CDK14: variants seen among roughly 807,000 people sequenced by gnomAD.
CDK14 encodes the protein cyclin-dependent kinase 14.
CDK14 carries 34 observed loss-of-function variants against 60.7 expected under a neutral mutation model. The observed-to-expected ratio is 0.56, with a 90% CI of 0.43 to 0.75. CDK14 has a LOEUF of 0.75. Among genes scored for constraint, CDK14 ranks in the 30% least tolerant of loss-of-function variants. The probability of loss-of-function intolerance (pLI) is 0.00; values close to 1 mark genes in which losing one functional copy is unlikely to be tolerated. For synonymous variants in CDK14, 197 were observed against 203.7 expected (o/e 0.97, Z 0.28); for missense variants, 482 against 564.1 (o/e 0.85, Z 1.47).
chr7:90,794,230 T>C (rs2116979187), intron 5 of CDK14, among the ~76,000 whole-genome samples: 1 of 152,108 alleles, frequency 6.6e-6, no homozygotes, highest in Non-Finnish European at 1.5e-5. Flanking sequence ...ACAAGGCAAA[T>C]GGAGGCAGGG....
chr7:90,820,364 G>T (rs1206704696), intron 5 of CDK14, among the ~76,000 whole-genome samples: 3 of 152,088 alleles, frequency 2.0e-5, no homozygotes, highest in Admixed American at 2.0e-4. Flanking sequence ...ATCTCAAATT[G>T]TAATCCCCAC....
chr7:91,138,517 C>T (rs934152609), intron 14 of CDK14, among the ~76,000 whole-genome samples: 2 of 152,132 alleles, frequency 1.3e-5, no homozygotes, highest in South Asian at 4.1e-4. Context: ...AGTGCATTGA[C>T]AGTCTCAAGG....
chr7:90,598,562 T>A (rs894389181), intron 1 of CDK14, among the ~76,000 whole-genome samples: 3 of 152,176 alleles, frequency 2.0e-5, no homozygotes, highest in Non-Finnish European at 4.4e-5. Flanking sequence ...ATAGGAGATA[T>A]TGAAGTGATT....
At chr7:91,170,313 A>G (rs573144236) in intron 14 of CDK14, among the ~76,000 whole-genome samples, 1 of 152,304 alleles carries the variant, frequency 6.6e-6, no homozygotes, top group Admixed American at 6.5e-5. Context: ...CATTCCCTAC[A>G]TGCTAATTTT....
In CDK14 at chr7:90,907,076, A is replaced by G. The variant is rs949137213; in HGVS notation, c.702+7723A>G. Among the ~76,000 whole-genome samples, 11 of 152,210 alleles carry G rather than the reference A, an allele frequency of 7.2e-5. No individual in the cohort carries two copies. In the East Asian group the frequency reaches 1.7e-3, roughly 24 times the overall value. On this transcript the variant is annotated intron_variant, in intron 7 of 14. Coordinates refer to ENST00000380050, the MANE Select transcript of CDK14 (RefSeq NM_001287135.2). ...AGTAATTTTAGCAATTAATTAGAGG[A>G]TGATTTAAAACCTGAATCAAAAGCC... is the stretch of plus-strand genomic sequence containing the variant.
intron 14 of CDK14, among the ~76,000 whole-genome samples, chr7:91,157,637 C>T (rs769127174): frequency 1.3e-5 from 2 of 152,136 alleles, no homozygotes; most frequent in Non-Finnish European, 2.9e-5. Flanking sequence ...AAAGAAGCCC[C>T]CATTTCCCAT....
At chr7:90,839,242 A>G (rs1790211512) in intron 5 of CDK14, among the ~76,000 whole-genome samples, 1 of 152,222 alleles carries the variant, frequency 6.6e-6, no homozygotes, top group Non-Finnish European at 1.5e-5. Flanking sequence ...AGGTGAGGAA[A>G]TGAATCAAGT....
intron 5 of CDK14, among the ~76,000 whole-genome samples, chr7:90,791,757 C>G (rs1407270494): frequency 3.3e-5 from 5 of 152,168 alleles, no homozygotes; most frequent in African/African-American, 1.2e-4. Context: ...ATGTATACCT[C>G]TCTGTCTTAT....
chr7:90,721,735 G>A (rs903436335), intron 2 of CDK14, among the ~76,000 whole-genome samples: 6 of 152,144 alleles, frequency 3.9e-5, no homozygotes, highest in African/African-American at 1.4e-4. Flanking sequence ...ACTGTTTGGT[G>A]GTTGGAAGAG....
chr7:90,762,612 A>G (rs569677681), intron 4 of CDK14, among the ~76,000 whole-genome samples: 25 of 152,366 alleles, frequency 1.6e-4, no homozygotes, highest in East Asian at 5.8e-4. Flanking sequence ...TATTTTATCT[A>G]TGAACTATCC....
At chr7:90,709,753 C>T (rs1801993014) in intron 2 of CDK14, 1 of 1,409,564 alleles carries the variant, frequency 7.1e-7, no homozygotes, top group Non-Finnish European at 9.3e-7. Flanking sequence ...ATTAGCTTCT[C>T]TTAGGGGATT....
chr7:90,733,408 A>G (rs908122386), intron 3 of CDK14, among the ~76,000 whole-genome samples: 1 of 151,794 alleles, frequency 6.6e-6, no homozygotes, highest in African/African-American at 2.4e-5. Context: ...TTTCTGTCTA[A>G]TTGATCTGTC....
At chr7:90,746,861 C>A (rs1562750557) in intron 3 of CDK14, among the ~76,000 whole-genome samples, 1 of 152,020 alleles carries the variant, frequency 6.6e-6, no homozygotes. Context: ...TAAGAGAGTT[C>A]CATTTTGTAT....
At chr7:90,989,615 G>A (rs1347060657) in intron 10 of CDK14, among the ~76,000 whole-genome samples, 3 of 152,142 alleles carry the variant, frequency 2.0e-5, no homozygotes, top group African/African-American at 7.2e-5. Flanking sequence ...CTGAGCAATT[G>A]GTCAGCAGAT....
chr7:90,987,846 G>A (rs576822919), intron 10 of CDK14, among the ~76,000 whole-genome samples: 1 of 152,146 alleles, frequency 6.6e-6, no homozygotes, highest in African/African-American at 2.4e-5. Context: ...TTTCTAAAGT[G>A]GCAATTGTAT....
chr7:91,201,624 G>A (rs749572361), intron 14 of CDK14, among the ~76,000 whole-genome samples: 1 of 152,148 alleles, frequency 6.6e-6, no homozygotes, highest in Non-Finnish European at 1.5e-5. Context: ...TCACATCGAA[G>A]CACACTGAGT....
intron 14 of CDK14, among the ~76,000 whole-genome samples, chr7:91,185,418 T>C (rs1035842327): frequency 6.7e-6 from 1 of 148,878 alleles, no homozygotes; most frequent in Non-Finnish European, 1.5e-5. Flanking sequence ...ATGTTCAGTA[T>C]ATAAATGCAA....
chr7:90,630,881 G>GGTGTGTGTGTGTGTGTGT (rs1160442832), intron 2 of CDK14, among the ~76,000 whole-genome samples: 20 of 78,836 alleles, frequency 2.5e-4, no homozygotes, highest in East Asian at 1.2e-3. Context: ...TACATCTTGG[G>GGTGTGTGTGTGTGTGTGT]GTGTGTATGT....
chr7:90,749,957 A>G (rs1803754852), intron 4 of CDK14, among the ~76,000 whole-genome samples: 1 of 152,162 alleles, frequency 6.6e-6, no homozygotes, highest in South Asian at 2.1e-4. Context: ...AGGATCAAGT[A>G]TATATCCAGA....
Sources: gnomAD v4.1 joint callset for allele counts (sites outside exome capture counted in the v4.1 genomes callset) on GRCh38, gnomAD v4.1.1 for gene constraint, MANE v1.5 for transcripts, NCBI Gene and HGNC (gene_info 2026-07-23, HGNC 2026-07-21) for gene names.